Variants in SORCS3 observed in about 807,000 individuals in gnomAD.
SORCS3 encodes VPS10 domain-containing receptor SorCS3.
In SORCS3, 57 loss-of-function variants were observed where a neutral mutation model predicts 146.3. That is an observed-to-expected ratio of 0.39 (90% CI 0.31 to 0.49). The LOEUF (loss-of-function observed/expected upper bound fraction) is 0.49. SORCS3 is among the 20% of genes least tolerant of loss of function. The pLI, the probability that SORCS3 is intolerant of heterozygous loss-of-function variation, is 0.92. For missense variants in SORCS3, 1,341 were observed against 1,575.5 expected (o/e 0.85, Z 2.52); for synonymous variants, 653 against 618.5 (o/e 1.06, Z -0.83).
intron 3 of SORCS3, among the ~76,000 whole-genome samples, chr10:104,956,494 A>G (rs1358455492): frequency 6.6e-6 from 1 of 152,222 alleles, no homozygotes; most frequent in Non-Finnish European, 1.5e-5. Flanking sequence ...AGGCAAAGAA[A>G]GCCCCAACAT....
intron 2 of SORCS3, among the ~76,000 whole-genome samples, chr10:104,891,358 G>A (rs1164271219): frequency 2.0e-5 from 3 of 152,134 alleles, no homozygotes; most frequent in Admixed American, 6.5e-5. Context: ...TAGGGAGTCC[G>A]CTCTGTATAT....
intron 5 of SORCS3, among the ~76,000 whole-genome samples, chr10:105,046,159 G>C (rs2055370212): frequency 6.6e-6 from 1 of 152,064 alleles, no homozygotes; most frequent in Non-Finnish European, 1.5e-5. Flanking sequence ...AGCAGGCATG[G>C]TAAAAACAAG....
Position 105,012,660 on chromosome 10 carries a change from C to T in SORCS3, c.955-30395C>T, listed in dbSNP as rs114503719. Among the ~76,000 whole-genome samples the T allele has an allele frequency of 9.1e-3, 1,381 of 152,226 alleles. 13 individuals are homozygous for T. The highest frequency in any genetic ancestry group is 0.021 in the African/African-American group (855 of 41,538). Reference sequence around the variant, plus strand: ...ACCTTTCGTTTTCTCCCTCCACACACATATCTATGAGGTTGACTTCAAAGG... The same window carrying T: ...ACCTTTCGTTTTCTCCCTCCACACATATATCTATGAGGTTGACTTCAAAGG... On this transcript the variant is annotated intron_variant, in intron 4 of 26. Transcript: ENST00000369701.
chr10:105,235,600 T>G (rs906325100), intron 20 of SORCS3, among the ~76,000 whole-genome samples: 2 of 151,970 alleles, frequency 1.3e-5, no homozygotes, highest in Non-Finnish European at 2.9e-5. Flanking sequence ...GCTGGATATC[T>G]AAAGAGAAGG....
chr10:105,109,888 AT>A lies in SORCS3; in HGVS notation c.1212+4380del, dbSNP rs1476747901. 2.6e-5 allele frequency among the ~76,000 whole-genome samples: 4 copies of A among 151,732 alleles called. No individual in the cohort carries two copies. The East Asian group carries it at 5.8e-4, about 22-fold the overall frequency. On this transcript the variant is annotated intron_variant, in intron 7 of 26. Transcript: ENST00000369701. ...ATGTACTGATTCTTCTGGAATATTA[AT>A]TTTTTTGTTAAATAGATTGAATTTT...
At chr10:104,806,526 T>C (rs542501984) in intron 1 of SORCS3, among the ~76,000 whole-genome samples, 83 of 152,328 alleles carry the variant, frequency 5.4e-4, no homozygotes, top group African/African-American at 1.9e-3. Context: ...TTTGACTAAG[T>C]AATATTACAC....
intron 20 of SORCS3, among the ~76,000 whole-genome samples, chr10:105,229,731 G>A (rs2056756280): frequency 6.6e-6 from 1 of 152,178 alleles, no homozygotes; most frequent in South Asian, 2.1e-4. Flanking sequence ...AGGGTCTGGG[G>A]TCCTAGGGTA....
chr10:104,795,303 C>T (rs1168650232), intron 1 of SORCS3, among the ~76,000 whole-genome samples: 1 of 152,106 alleles, frequency 6.6e-6, no homozygotes, highest in Admixed American at 6.5e-5. Flanking sequence ...GTGCTATTGG[C>T]AGTTCAAACA....
chr10:104,645,786 T>C (rs1463293078), intron 1 of SORCS3, among the ~76,000 whole-genome samples: 1 of 152,156 alleles, frequency 6.6e-6, no homozygotes, highest in Non-Finnish European at 1.5e-5. Flanking sequence ...TTCTAAAATA[T>C]TTACTCCTAA....
chr10:105,146,626 G>A (rs1012485040), intron 8 of SORCS3, among the ~76,000 whole-genome samples: 18 of 152,000 alleles, frequency 1.2e-4, no homozygotes, highest in Admixed American at 1.3e-4. Flanking sequence ...TAATCTAGAG[G>A]TGATATATCC....
At chr10:105,198,064 T>C (rs571323917) in intron 14 of SORCS3, among the ~76,000 whole-genome samples, 1 of 152,300 alleles carries the variant, frequency 6.6e-6, no homozygotes, top group Non-Finnish European at 1.5e-5. Flanking sequence ...TTTCTCAATC[T>C]TTTTGTCAAG....
intron 6 of SORCS3, among the ~76,000 whole-genome samples, chr10:105,092,052 A>T (rs1027457320): frequency 6.6e-6 from 1 of 152,216 alleles, no homozygotes. Flanking sequence ...TCGTGAGCTC[A>T]GGCTTAAGAC....
rs546434984 is a variant in SORCS3 at position 105,231,090 on chromosome 10, G to A, written c.2868+7841G>A. ...GGGGAATCTCTCCAAACTCCTAGCC[G>A]ATCCTGGCCAAGCAGGCTGCCTTGC... On this transcript the variant is annotated intron_variant, in intron 20 of 26. Coordinates refer to ENST00000369701, the MANE Select transcript of SORCS3 (RefSeq NM_014978.3). Among the ~76,000 whole-genome samples, 18 of 152,292 alleles carry A rather than the reference G, an allele frequency of 1.2e-4. No homozygotes were observed. In the South Asian group the frequency reaches 2.7e-3, roughly 23 times the overall value.
intron 2 of SORCS3, among the ~76,000 whole-genome samples, chr10:104,857,819 C>T (rs181445666): frequency 5.3e-5 from 8 of 152,212 alleles, no homozygotes; most frequent in Non-Finnish European, 7.4e-5. Context: ...CTAGGGAAAC[C>T]GGGCCTCTTG....
chr10:104,688,568 G>A (rs757081471), intron 1 of SORCS3, among the ~76,000 whole-genome samples: 6 of 152,230 alleles, frequency 3.9e-5, no homozygotes, highest in African/African-American at 7.2e-5. Flanking sequence ...AGCTCTGAGC[G>A]TTCTCACCCC....
chr10:105,258,074 A>C (rs1235623689), intron 25 of SORCS3, among the ~76,000 whole-genome samples: 4 of 152,124 alleles, frequency 2.6e-5, no homozygotes, highest in Admixed American at 6.5e-5. Context: ...CTTCCTGCTT[A>C]TCTCTCCTTT....
At chr10:104,725,516 C>T (rs957253522) in intron 1 of SORCS3, among the ~76,000 whole-genome samples, 1 of 152,144 alleles carries the variant, frequency 6.6e-6, no homozygotes, top group African/African-American at 2.4e-5. Context: ...CAGACAGGGA[C>T]ATTTAAGTCT....
At chr10:105,033,542 C>T (rs932428758) in intron 4 of SORCS3, among the ~76,000 whole-genome samples, 6 of 152,138 alleles carry the variant, frequency 3.9e-5, no homozygotes, top group African/African-American at 7.2e-5. Context: ...AGATGGGATT[C>T]CTCTCATCTA....
Position 104,962,107 on chromosome 10 carries a change from G to A in SORCS3, c.796-15228G>A, listed in dbSNP as rs1329322860. ...TTATGAATTTGCTGATGGAGTTCTT[G>A]GAAGACCGAGATCATTCAGCTGGAG... On this transcript the variant is annotated intron_variant, in intron 3 of 26. Transcript: ENST00000369701. 2.0e-5 allele frequency among the ~76,000 whole-genome samples: 3 copies of A among 152,196 alleles called. No homozygotes were observed. In the South Asian group the frequency reaches 6.2e-4, roughly 32 times the overall value.
Sources: allele counts gnomAD v4.1 joint callset (sites outside exome capture counted in the v4.1 genomes callset), GRCh38; gene constraint gnomAD v4.1.1; transcripts MANE v1.5; gene names NCBI Gene and HGNC (gene_info 2026-07-23, HGNC 2026-07-21).